XRCC4: variants seen among roughly 807,000 people sequenced by gnomAD.
XRCC4 encodes the protein X-ray repair cross complementing 4.
XRCC4 carries 28 observed loss-of-function variants against 39.1 expected under a neutral mutation model. The ratio of observed to expected loss-of-function variants is 0.72; its 90% CI spans 0.53 to 0.98. The LOEUF (loss-of-function observed/expected upper bound fraction) is 0.98, where lower values mean the gene tolerates loss of function less well. XRCC4 is among the 50% of genes least tolerant of loss of function. The pLI is 0.00. For synonymous variants in XRCC4, 123 were observed against 126.4 expected (o/e 0.97, Z 0.18); for missense variants, 350 against 376.4 (o/e 0.93, Z 0.58).
chr5:83,160,650 ATTATAATTAAGT>A, intron 3 of XRCC4, among the ~76,000 whole-genome samples: 1 of 152,306 alleles, frequency 6.6e-6, no homozygotes, highest in South Asian at 2.1e-4. Context: ...TTCTTTCAGA[ATTATAATTAAGT>A]AGCATGTTCA....
At position 83,237,562 on chromosome 5, in the gene XRCC4, G is replaced by A. The variant is rs184559439; in HGVS notation, c.746-20968G>A. Among the ~76,000 whole-genome samples the A allele has an allele frequency of 5.3e-3, 814 of 152,232 alleles. 7 individuals carry two copies. Among genetic ancestry groups the A allele is most frequent in the Non-Finnish European group, 8.7e-3 (594 of 67,994 alleles). ...GAGAGTAGAATGATGGCTACCAGAG[G>A]CTGGTAATTATAATGTAGAGGGGGT... On this transcript the variant is annotated intron_variant, in intron 6 of 7. Transcript: ENST00000396027.
chr5:83,082,052 C>T (rs1053094107), intron 1 of XRCC4, among the ~76,000 whole-genome samples: 2 of 151,918 alleles, frequency 1.3e-5, no homozygotes, highest in African/African-American at 4.8e-5. Flanking sequence ...TGAAATATAT[C>T]TAGAATTCAA....
At chr5:83,191,394 TG>T (rs1327534163) in intron 3 of XRCC4, among the ~76,000 whole-genome samples, 1 of 144,152 alleles carries the variant, frequency 6.9e-6, no homozygotes, top group East Asian at 2.3e-4. Flanking sequence ...ATGAGTCTCA[TG>T]AGATCTGATG....
At position 83,353,309 on chromosome 5, in the gene XRCC4, G is replaced by T; in HGVS notation, c.*67G>T. 7.7e-7 allele frequency: 1 copy of T among 1,299,574 alleles called. No homozygotes were observed. The highest frequency in any genetic ancestry group is 1.1e-6 in the Non-Finnish European group (1 of 940,360). 80.5% of individuals were successfully genotyped at this position (1,299,574 alleles called of 1,614,324 possible). On this transcript the variant is annotated 3_prime_UTR_variant, in exon 8 of 8. Transcript: ENST00000396027. ...CTATTCATTTCTTTAAAATGAAAAA[G>T]GAGAATTTCAAGTCAGCAGCCGCTA...
At chr5:83,305,798 T>A (rs1755462624) in intron 7 of XRCC4, among the ~76,000 whole-genome samples, 1 of 152,162 alleles carries the variant, frequency 6.6e-6, no homozygotes, top group Admixed American at 6.6e-5. Flanking sequence ...TAGAGCTTAA[T>A]TATACAAAGT....
At chr5:83,123,872 A>G (rs920005327) in intron 3 of XRCC4, among the ~76,000 whole-genome samples, 4 of 138,332 alleles carry the variant, frequency 2.9e-5, no homozygotes, top group Non-Finnish European at 6.3e-5. Context: ...TACACTTCAC[A>G]GTTATTGTTA....
At chr5:83,311,118 A>T in intron 7 of XRCC4, 1 of 220,226 alleles carries the variant, frequency 4.5e-6, no homozygotes, top group Non-Finnish European at 9.4e-6. Context: ...ACTAATACAC[A>T]TAAGGAATTT....
intron 3 of XRCC4, among the ~76,000 whole-genome samples, chr5:83,188,664 G>C (rs1477039241): frequency 6.6e-6 from 1 of 152,120 alleles, no homozygotes; most frequent in South Asian, 2.1e-4. Context: ...TGGCAAGAGT[G>C]GGGGCAAGAT....
chr5:83,361,304 T>C, the XRCC4 span, among the ~76,000 whole-genome samples: 1 of 152,224 alleles, frequency 6.6e-6, no homozygotes, highest in South Asian at 2.1e-4. Flanking sequence ...CACCCTATCC[T>C]TGGACCTTCC....
At chr5:83,123,439 T>A (rs11741703) in intron 3 of XRCC4, among the ~76,000 whole-genome samples, 3 of 151,746 alleles carry the variant, frequency 2.0e-5, no homozygotes, top group East Asian at 1.9e-4. Flanking sequence ...ATTAGATTTC[T>A]TTTAGGAAGT....
chr5:83,146,271 A>T (rs998829125), intron 3 of XRCC4, among the ~76,000 whole-genome samples: 4 of 152,186 alleles, frequency 2.6e-5, no homozygotes, highest in Non-Finnish European at 4.4e-5. Context: ...TAATGGTGAG[A>T]TTTGTGAGAC....
chr5:83,236,970 C>T (rs1752715425), intron 6 of XRCC4, among the ~76,000 whole-genome samples: 1 of 152,048 alleles, frequency 6.6e-6, no homozygotes, highest in African/African-American at 2.4e-5. Flanking sequence ...TGATGCTTAT[C>T]ATCACTAATC....
At chr5:83,337,843 C>A (rs1053186461) in intron 7 of XRCC4, among the ~76,000 whole-genome samples, 2 of 152,040 alleles carry the variant, frequency 1.3e-5, no homozygotes, top group Non-Finnish European at 2.9e-5. Flanking sequence ...GACCTTCTTT[C>A]CTGGAGGAGT....
chr5:83,113,999 C>T (rs1746582674), intron 3 of XRCC4, among the ~76,000 whole-genome samples: 2 of 152,216 alleles, frequency 1.3e-5, no homozygotes, highest in South Asian at 4.1e-4. Context: ...TGTGCACTCG[C>T]AGGCTCAACA....
At chr5:83,090,281 A>G (rs1745361553) in intron 1 of XRCC4, among the ~76,000 whole-genome samples, 1 of 151,746 alleles carries the variant, frequency 6.6e-6, no homozygotes, top group Non-Finnish European at 1.5e-5. Flanking sequence ...GTTCTTTTTC[A>G]TGCTTTTCTC....
intron 3 of XRCC4, among the ~76,000 whole-genome samples, chr5:83,159,654 T>G (rs1749115271): frequency 6.6e-6 from 1 of 152,104 alleles, no homozygotes; most frequent in African/African-American, 2.4e-5. Context: ...TCGTGAAAAT[T>G]TGGGACTGGG....
intron 3 of XRCC4, among the ~76,000 whole-genome samples, chr5:83,134,843 C>T (rs111643208): frequency 5.3e-5 from 8 of 152,234 alleles, no homozygotes; most frequent in African/African-American, 1.9e-4. Flanking sequence ...GACCATGAAC[C>T]CTCTGGGCAG....
chr5:83,119,173 G>A (rs916999428), intron 3 of XRCC4, among the ~76,000 whole-genome samples: 18 of 152,128 alleles, frequency 1.2e-4, no homozygotes, highest in African/African-American at 2.4e-4. Context: ...TGGTTTCAGG[G>A]ACTCTGAATT....
the XRCC4 span, among the ~76,000 whole-genome samples, chr5:83,366,192 A>G: frequency 3.9e-5 from 6 of 152,304 alleles, no homozygotes; most frequent in East Asian, 1.2e-3. Flanking sequence ...TCTCCAAATC[A>G]TTATTCAAAC....
Sources: allele counts gnomAD v4.1 joint callset (sites outside exome capture counted in the v4.1 genomes callset), GRCh38; gene constraint gnomAD v4.1.1; transcripts MANE v1.5; gene names NCBI Gene and HGNC (gene_info 2026-07-23, HGNC 2026-07-21).